Variants in PRELID2 observed in about 807,000 individuals in gnomAD.
PRELID2 encodes PRELI domain containing 2, also known as PRELI domain-containing protein 2.
Under a neutral mutation model 28.4 loss-of-function variants are expected in PRELID2, and 25 were observed. The ratio of observed to expected loss-of-function variants is 0.88; its 90% CI spans 0.64 to 1.23. The LOEUF (loss-of-function observed/expected upper bound fraction) is 1.23. PRELID2 is among the 50% of genes most tolerant of loss of function. The pLI is 0.00. For synonymous variants in PRELID2, 76 were observed against 71.6 expected, an observed-to-expected ratio of 1.06 and a Z score of -0.31; for missense variants, 201 against 214.4, an observed-to-expected ratio of 0.94 and a Z score of 0.39.
chr5:145,483,323 A>G (rs2126619187), intron 1 of PRELID2, among the ~76,000 whole-genome samples: 1 of 152,270 alleles, frequency 6.6e-6, no homozygotes, highest in Non-Finnish European at 1.5e-5. Context: ...TGTTTCTACT[A>G]GCTGTTTTGG....
chr5:145,503,632 G>T (rs1752379685), intron 1 of PRELID2, among the ~76,000 whole-genome samples: 1 of 152,172 alleles, frequency 6.6e-6, no homozygotes, highest in African/African-American at 2.4e-5. Context: ...GGGCTACTGT[G>T]TGACCCCAGG....
At chr5:145,698,501 A>T (rs1415828488) in intron 1 of PRELID2, among the ~76,000 whole-genome samples, 1 of 152,164 alleles carries the variant, frequency 6.6e-6, no homozygotes, top group African/African-American at 2.4e-5. Flanking sequence ...TATTTCTCAC[A>T]GTGCTGGAGG....
the PRELID2 span, among the ~76,000 whole-genome samples, chr5:145,270,152 A>T: frequency 6.6e-6 from 1 of 151,924 alleles, no homozygotes; most frequent in Non-Finnish European, 1.5e-5. Flanking sequence ...TGGTAAAATT[A>T]TACAGCCACC....
chr5:145,672,501 G>GAAAA (rs752045360), intron 1 of PRELID2, among the ~76,000 whole-genome samples: 4 of 99,140 alleles, frequency 4.0e-5, no homozygotes, highest in African/African-American at 9.1e-5. Context: ...CGGAGCTTGT[G>GAAAA]AAAAAAAAAA....
At chr5:145,461,517 T>G in the PRELID2 span, among the ~76,000 whole-genome samples, 1 of 152,156 alleles carries the variant, frequency 6.6e-6, no homozygotes, top group African/African-American at 2.4e-5. Flanking sequence ...TTAGCCAGGA[T>G]GGTCTCAATC....
the PRELID2 span, among the ~76,000 whole-genome samples, chr5:145,293,942 C>T: frequency 2.0e-5 from 3 of 152,168 alleles, no homozygotes; most frequent in Admixed American, 1.3e-4. Context: ...AGATTGGCCA[C>T]CTATGCCCAA....
intron 1 of PRELID2, among the ~76,000 whole-genome samples, chr5:145,659,240 T>C (rs1754448132): frequency 6.6e-6 from 1 of 152,202 alleles, no homozygotes; most frequent in Non-Finnish European, 1.5e-5. Flanking sequence ...GCCCAGGCAC[T>C]GGGGCAGAAT....
chr5:145,430,935 TA>T, the PRELID2 span, among the ~76,000 whole-genome samples: 1 of 150,022 alleles, frequency 6.7e-6, no homozygotes, highest in Non-Finnish European at 1.5e-5. Context: ...AGGAATTTTT[TA>T]AAATATAGAT....
chr5:145,809,630 G>A (rs1483836197), intron 4 of PRELID2, among the ~76,000 whole-genome samples: 1 of 152,234 alleles, frequency 6.6e-6, no homozygotes, highest in African/African-American at 2.4e-5. Flanking sequence ...CAGAGGATAA[G>A]CAGAAGCTTT....
chr5:145,492,211 G>C (rs576731066), intron 1 of PRELID2, among the ~76,000 whole-genome samples: 1 of 152,034 alleles, frequency 6.6e-6, no homozygotes, highest in African/African-American at 2.4e-5. Flanking sequence ...ATCTTTTGTC[G>C]CTTTGATACA....
At chr5:145,416,544 G>T in the PRELID2 span, among the ~76,000 whole-genome samples, 5 of 152,108 alleles carry the variant, frequency 3.3e-5, no homozygotes, top group Non-Finnish European at 7.4e-5. Context: ...TATCCTGAAT[G>T]ACTCTTGGGT....
At chr5:145,753,003 T>A (rs1465135635), downstream of PRELID2, among the ~76,000 whole-genome samples, 1 of 152,220 alleles carries the variant, frequency 6.6e-6, no homozygotes, top group African/African-American at 2.4e-5. Context: ...TTTTCAAATG[T>A]AAGGAGACAC....
In PRELID2 at chr5:145,527,664, T is replaced by C. The variant is rs538181097; in HGVS notation, n.71-54349A>G. 2.6e-5 allele frequency among the ~76,000 whole-genome samples: 4 copies of C among 152,304 alleles called. No homozygotes were observed. The South Asian group carries it at 6.2e-4, about 24-fold the overall frequency. On this transcript the variant is annotated intron_variant and non_coding_transcript_variant, in intron 1 of 2. Transcript: ENST00000510259. Reference sequence around the variant, plus strand: ...GTAATATTGTATTAAGAGCTTTTACTGTAGAGCAAAACAGTGCAAATCCTG... The same window carrying C: ...GTAATATTGTATTAAGAGCTTTTACCGTAGAGCAAAACAGTGCAAATCCTG...
the PRELID2 span, among the ~76,000 whole-genome samples, chr5:145,244,303 C>G: frequency 6.6e-6 from 1 of 151,968 alleles, no homozygotes; most frequent in Non-Finnish European, 1.5e-5. Flanking sequence ...TTGCCCAGTC[C>G]TCTACTTTCC....
Position 145,562,669 on chromosome 5 carries a change from A to G in PRELID2, n.71-89354T>C, listed in dbSNP as rs1430938685. On this transcript the variant is annotated intron_variant and non_coding_transcript_variant, in intron 1 of 2. Coordinates refer to the PRELID2 transcript ENST00000510259. ...GTGGGAAAAGGTACCAGAGTAGGTG[A>G]GTAAGCATTTGCACTGAGGCAAAAT... is the stretch of plus-strand genomic sequence containing the variant. 2.0e-5 allele frequency among the ~76,000 whole-genome samples: 3 copies of G among 152,220 alleles called. No individual in the cohort carries two copies. The East Asian group carries it at 5.8e-4, about 29-fold the overall frequency.
the PRELID2 span, among the ~76,000 whole-genome samples, chr5:145,310,764 T>C: frequency 6.6e-6 from 1 of 152,194 alleles, no homozygotes; most frequent in South Asian, 2.1e-4. Flanking sequence ...TCGTAAACTC[T>C]TAAGCTCACT....
chr5:145,659,243 G>C lies in PRELID2; in HGVS notation n.70+105688C>G, dbSNP rs371151626. 1.1e-4 allele frequency among the ~76,000 whole-genome samples: 17 copies of C among 152,148 alleles called. No homozygotes were observed. In the East Asian group the frequency reaches 1.3e-3, roughly 12 times the overall value. ...TACTCACCAATAGCCCAGGCACTGG[G>C]GCAGAATCAAGTCCAGCACCATTAT... is the stretch of plus-strand genomic sequence containing the variant. On this transcript the variant is annotated intron_variant and non_coding_transcript_variant, in intron 1 of 2. Coordinates refer to the PRELID2 transcript ENST00000510259.
the PRELID2 span, among the ~76,000 whole-genome samples, chr5:145,281,302 C>T: frequency 2.0e-5 from 3 of 152,062 alleles, no homozygotes; most frequent in African/African-American, 7.2e-5. Context: ...GAAGTGAAGC[C>T]CAGTCTCCCA....
At position 145,817,926 on chromosome 5, in the gene PRELID2, A is replaced by T. The variant is rs147081642; in HGVS notation, c.336T>A (p.Ser112=). ...GGTTTTCCATACTTTCCCGGAAGACAGACTCTTCCTTCATGGATGCATACT... is the reference window on the plus strand; with the variant it reads ...GGTTTTCCATACTTTCCCGGAAGACTGACTCTTCCTTCATGGATGCATACT... ...WTQYASMKEE[S]VFRESMENPN... is the part of the protein sequence containing the mutation. Residue 112 remains serine, a synonymous_variant, in exon 4 of 7, where the codon TCT becomes TCA. Coordinates refer to ENST00000683046, the MANE Select transcript of PRELID2 (RefSeq NM_205846.3). 53 of 1,566,546 alleles carry T rather than the reference A, an allele frequency of 3.4e-5. 1 individual carries two copies. The African/African-American group carries it at 6.4e-4, about 19-fold the overall frequency.
Sources: gnomAD v4.1 joint callset for allele counts (sites outside exome capture counted in the v4.1 genomes callset) on GRCh38, gnomAD v4.1.1 for gene constraint, MANE v1.5 for transcripts, NCBI Gene and HGNC (gene_info 2026-07-23, HGNC 2026-07-21) for gene names.